DCHS1: variants seen among roughly 807,000 people sequenced by gnomAD.
DCHS1 encodes dachsous cadherin-related 1, also known as protocadherin-16.
DCHS1 carries 78 observed loss-of-function variants against 213.9 expected under a neutral mutation model. The ratio of observed to expected loss-of-function variants is 0.36; its 90% confidence interval spans 0.30 to 0.44. The LOEUF is 0.44. Ranked by LOEUF, DCHS1 falls within the 20% of genes least tolerant of loss-of-function variation. The probability of loss-of-function intolerance (pLI) is 1.00; values close to 1 mark genes in which losing one functional copy is unlikely to be tolerated. For missense variants in DCHS1, 3,946 were observed against 4,395.9 expected (o/e 0.90, Z 2.89); for synonymous variants, 1,828 against 1,873.7 (o/e 0.98, Z 0.63).
chr11:6,627,450 C>T lies in DCHS1; in HGVS notation c.5589G>A (p.Glu1863=). 1 of 1,611,096 alleles carries T rather than the reference C, an allele frequency of 6.2e-7. No individual in the cohort carries two copies. ...PAFPVPAYSV[E]VPEDVPAGTL... is the part of the protein sequence containing the mutation. ...TCCCTGCAGGCACATCCTCCGGCAC[C>T]TCCACCGAGTAGGCAGGCACAGGAA... The change falls in exon 14 of 21, where the codon GAG becomes GAA. Residue 1863 remains glutamate, a synonymous_variant. Coordinates refer to ENST00000299441, the MANE Select transcript of DCHS1 (RefSeq NM_003737.4). This position sits in a 1 kb window ranked among gnomAD's most constrained non-coding sequence, Gnocchi z 5.4.
rs775606780 is a variant in DCHS1, at chr11:6,625,872, C to T, written c.6731+48G>A. On this transcript the variant is annotated intron_variant, in intron 17 of 20. Coordinates refer to ENST00000299441, the MANE Select transcript of DCHS1 (RefSeq NM_003737.4). The surrounding 1 kb of genome is among the most constrained non-coding windows in gnomAD (Gnocchi z 5.3). ...GATGAGTTCAAGGCAGGGCTTGAAA[C>T]TGGACAGGCCCAAGATGGGGTCTTG... 1 of 1,602,126 alleles carries T rather than the reference C, an allele frequency of 6.2e-7. No individual in the cohort carries two copies. Among genetic ancestry groups the T allele is most frequent in the African/African-American group, 1.3e-5 (1 of 74,642 alleles).
Position 6,621,766 on chromosome 11 carries a change from G to T in DCHS1, c.*13C>A. The T allele has an allele frequency of 6.4e-7, 1 of 1,566,350 alleles. No homozygotes were observed. On this transcript the variant is annotated 3_prime_UTR_variant, in exon 21 of 21. Transcript: ENST00000299441. The stretch of plus-strand genomic sequence containing the variant: ...TGTGCGCATCCCAGGTCGGGGCCCA[G>T]CCTGGGCCACAGCTAGATGTGCAGC...
Position 6,624,905 on chromosome 11 carries a change from C to T in DCHS1, c.7147-37G>A, listed in dbSNP as rs777784008. The T allele has an allele frequency of 1.9e-6, 3 of 1,611,014 alleles. No individual in the cohort carries two copies. In the Admixed American group the frequency reaches 5.0e-5, roughly 27 times the overall value. On this transcript the variant is annotated intron_variant, in intron 19 of 20. Transcript: ENST00000299441. ...GGAAAAGTGCTTATTGCCAGGCTTC[C>T]CATTTGCCCTGCTGTCCATGCAGCC... is the stretch of plus-strand genomic sequence containing the variant.
rs777589243 is a variant in DCHS1 at position 6,626,510 on chromosome 11, C to A, written c.6364+42G>T. Reference sequence around the variant, plus strand: ...CTCTGATGCAAAGAACCTGCTTCCCCAGTAGCCTGTCCTGCACAGAGCCCC... The same window carrying A: ...CTCTGATGCAAAGAACCTGCTTCCCAAGTAGCCTGTCCTGCACAGAGCCCC... On this transcript the variant is annotated intron_variant, in intron 15 of 20. Coordinates refer to ENST00000299441, the MANE Select transcript of DCHS1 (RefSeq NM_003737.4). The surrounding 1 kb of genome is among the most constrained non-coding windows in gnomAD (Gnocchi z 5.2). The A allele has an allele frequency of 6.2e-7, 1 of 1,609,652 alleles. No homozygotes were observed. The highest frequency in any genetic ancestry group is 1.1e-5 in the South Asian group (1 of 90,840).
chr11:6,649,265 C>T (rs1303387961), intron 1 of DCHS1, among the ~76,000 whole-genome samples: 2 of 151,482 alleles, frequency 1.3e-5, no homozygotes, highest in East Asian at 3.9e-4. Flanking sequence ...ACACTGCTTG[C>T]CTGCTGGAGG....
At position 6,648,419 on chromosome 11, in the gene DCHS1, T is replaced by C. The variant is rs144177118; in HGVS notation, c.-120-6686A>G. Reference sequence around the variant, plus strand: ...CTGAGAATTCAAGTAAGATAAGGGCTGAGAAGTGGACACTAAATTTAGCAG... The same window carrying C: ...CTGAGAATTCAAGTAAGATAAGGGCCGAGAAGTGGACACTAAATTTAGCAG... On this transcript the variant is annotated intron_variant, in intron 1 of 20. Transcript: ENST00000299441. Among the ~76,000 whole-genome samples, 1,234 of 152,290 alleles carry C rather than the reference T, an allele frequency of 8.1e-3. 12 individuals carry two copies. The highest frequency in any genetic ancestry group is 0.028 in the African/African-American group (1,167 of 41,548).
At position 6,641,655 on chromosome 11, in the gene DCHS1, C is replaced by A; in HGVS notation, c.-42G>T. On this transcript the variant is annotated 5_prime_UTR_variant, in exon 2 of 21. Transcript: ENST00000299441. The surrounding 1 kb of genome is among the most constrained non-coding windows in gnomAD (Gnocchi z 7.1). ...CTGTGCCTTGGGCTCCAGCTCCAGG[C>A]CAGGCTCTGGGCCCAGCTTGACCTC... 6.7e-7 allele frequency: 1 copy of A among 1,499,912 alleles called. No individual in the cohort carries two copies. Among genetic ancestry groups the A allele is most frequent in the African/African-American group, 1.4e-5 (1 of 72,024 alleles). 92.9% of individuals were successfully genotyped at this position (1,499,912 alleles called of 1,614,324 possible).
chr11:6,628,890 C>T lies in DCHS1; in HGVS notation c.5162-60G>A. 1 of 1,537,332 alleles carries T rather than the reference C, an allele frequency of 6.5e-7. No homozygotes were observed. The highest frequency in any genetic ancestry group is 1.2e-5 in the South Asian group (1 of 85,020). Reference sequence around the variant, plus strand: ...CCCTCACCACATGGAGAAATCCACACCACACAGTGTTCATACATGTTCACT... The same window carrying T: ...CCCTCACCACATGGAGAAATCCACATCACACAGTGTTCATACATGTTCACT... On this transcript the variant is annotated intron_variant, in intron 12 of 20. Transcript: ENST00000299441. The surrounding 1 kb of genome is among the most constrained non-coding windows in gnomAD (Gnocchi z 4.3).
In DCHS1 at chr11:6,625,367, C is replaced by T. The variant is rs770087732; in HGVS notation, c.6977G>A (p.Arg2326His). ...SGPQDPFSVGRYGGRVSLTGP... is the reference protein window; with the variant it reads ...SGPQDPFSVGHYGGRVSLTGP... ...CGTGAGGGAGACACGGCCTCCATAG[C>T]GGCCAACACTGAAGGGATCCTGGGG... The change falls in exon 19 of 21, where the codon CGC (arginine) becomes CAC (histidine). Residue 2326 changes from arginine to histidine, a missense_variant. Arg to His is a conservative substitution (Grantham distance 29, BLOSUM62 0). Transcript: ENST00000299441. The surrounding 1 kb of genome is among the most constrained non-coding windows in gnomAD (Gnocchi z 5.3). 20 of 1,613,276 alleles carry T rather than the reference C, an allele frequency of 1.2e-5. No individual in the cohort carries two copies. The highest frequency in any genetic ancestry group is 6.7e-5 in the Admixed American group (4 of 59,926).
In DCHS1 at chr11:6,640,498, G is replaced by A; in HGVS notation, c.1116C>T (p.Ser372=). 1.2e-6 allele frequency: 2 copies of A among 1,613,166 alleles called. No individual in the cohort carries two copies. Among genetic ancestry groups the A allele is most frequent in the South Asian group, 2.2e-5 (2 of 91,084 alleles). Residue 372 remains serine, a synonymous_variant, in exon 2 of 21, where the codon TCC becomes TCT. Coordinates refer to ENST00000299441, the MANE Select transcript of DCHS1 (RefSeq NM_003737.4). This position sits in a 1 kb window ranked among gnomAD's most constrained non-coding sequence, Gnocchi z 6.5. ...MTVIFLSADG[S]PQVSEAAPPG... ...GTGGGGCGGCCTCAGACACTTGGGG[G>A]GAGCCATCTGCACTGAGAAAGATGA...
rs1469309534 is a variant in DCHS1, at chr11:6,628,187, T to C, written c.5371+434A>G. ...AATTGTTACTTGAAATCTTAGTATT[T>C]CCTTGTGCTTACACAGAAATACTGG... On this transcript the variant is annotated intron_variant, in intron 13 of 20. Transcript: ENST00000299441. The surrounding 1 kb of genome is among the most constrained non-coding windows in gnomAD (Gnocchi z 4.3). Among the ~76,000 whole-genome samples, 3 of 152,252 alleles carry C rather than the reference T, an allele frequency of 2.0e-5. No individual in the cohort carries two copies. Among genetic ancestry groups the C allele is most frequent in the Admixed American group, 6.5e-5 (1 of 15,284 alleles).
rs1856046260 is a variant in DCHS1 at position 6,640,189 on chromosome 11, C to G, written c.1425G>C (p.Gln475His). Residue 475 changes from glutamine to histidine, a missense_variant, in exon 2 of 21, where the codon CAG (glutamine) becomes CAC (histidine). By Grantham distance (24) the Gln-to-His change is conservative. Around this residue, in one of 3 missense-constraint regions of DCHS1, gnomAD observed 3,384 missense variants for 3,780.1 expected, o/e 0.90. Coordinates refer to ENST00000299441, the MANE Select transcript of DCHS1 (RefSeq NM_003737.4). This position sits in a 1 kb window ranked among gnomAD's most constrained non-coding sequence, Gnocchi z 6.5. ...VNDNAPAFDRQLYRPEPLPEV... is the reference protein window; with the variant it reads ...VNDNAPAFDRHLYRPEPLPEV... Reference sequence around the variant, plus strand: ...CAGGCAGGGGCTCAGGTCGGTAGAGCTGGCGGTCAAAGGCAGGTGCATTGT... The same window carrying G: ...CAGGCAGGGGCTCAGGTCGGTAGAGGTGGCGGTCAAAGGCAGGTGCATTGT... The G allele has an allele frequency of 1.9e-6, 3 of 1,613,618 alleles. No homozygotes were observed. Among genetic ancestry groups the G allele is most frequent in the Non-Finnish European group, 2.5e-6 (3 of 1,179,776 alleles).
intron 9 of DCHS1, 30 bp downstream of exon 9, chr11:6,631,023 G>A (rs1314764615): frequency 2.5e-6 from 4 of 1,580,890 alleles, no homozygotes; most frequent in Admixed American, 3.6e-5. Flanking sequence ...GACCTACAGC[G>A]GTAGCCAAGG....
Position 6,622,979 on chromosome 11 carries a change from C to G in DCHS1, c.8697G>C (p.Arg2899Ser). 6.4e-7 allele frequency: 1 copy of G among 1,572,482 alleles called. No individual in the cohort carries two copies. The highest frequency in any genetic ancestry group is 1.2e-5 in the South Asian group (1 of 85,826). ...RTRREAPREL[R>S]LEVIARGPLP... Reference sequence around the variant, plus strand: ...GAGGCCCCCGTGCTATCACCTCCAGCCTCAGCTCCCGTGGTGCTTCCCGCC... The same window carrying G: ...GAGGCCCCCGTGCTATCACCTCCAGGCTCAGCTCCCGTGGTGCTTCCCGCC... The change falls in exon 21 of 21, where the codon AGG becomes AGC. Residue 2899 changes from arginine (R) to serine (S), a missense_variant. Physicochemically the swap from Arg to Ser is moderately radical, Grantham distance 110. This residue lies in a region of DCHS1 where 554 missense variants were observed against 590.2 expected (regional missense o/e 0.94). Transcript: ENST00000299441. This position sits in a 1 kb window ranked among gnomAD's most constrained non-coding sequence, Gnocchi z 5.4.
At chr11:6,652,398 C>T (rs146980359) in intron 1 of DCHS1, among the ~76,000 whole-genome samples, 37 of 152,254 alleles carry the variant, frequency 2.4e-4, no homozygotes, top group Admixed American at 4.6e-4. Context: ...GTAGGAACAG[C>T]TATATGCAGA....
chr11:6,631,155 TGCAGTGA>T lies in DCHS1; in HGVS notation c.3821_3827del (p.Leu1274GlnfsTer4). The T allele has an allele frequency of 6.2e-7, 1 of 1,612,184 alleles. No homozygotes were observed. Among genetic ancestry groups the T allele is most frequent in the Non-Finnish European group, 8.5e-7 (1 of 1,178,834 alleles). ...GCCGCTCTGCTCGGATCAGGGGAGC[TGCAGTGA>T]GCAGCTCCCCTGAGTGAGGGTGCAG... On this transcript the variant is annotated frameshift_variant, in exon 9 of 21. Coordinates refer to ENST00000299441, the MANE Select transcript of DCHS1 (RefSeq NM_003737.4). LOFTEE classifies it high-confidence loss of function.
At position 6,626,849 on chromosome 11, in the gene DCHS1, G is replaced by A. The variant is rs752852456; in HGVS notation, c.6190C>T (p.Arg2064Cys). The A allele has an allele frequency of 9.3e-6, 15 of 1,613,316 alleles. No homozygotes were observed. Among genetic ancestry groups the A allele is most frequent in the Admixed American group, 3.3e-5 (2 of 60,016 alleles). ...CTAGCCCGGGGAAAGCGGGGTCCAC[G>A]CTCAGCTTCCCCCTGCAGTCCAACA... ...IIVGLQGEAE[R>C]GPRFPRASSE... Residue 2064 changes from arginine (R) to cysteine (C), a missense_variant, in exon 14 of 21, where the codon CGT (arginine) becomes TGT (cysteine). Arg to Cys is a radical substitution (Grantham distance 180). Coordinates refer to ENST00000299441, the MANE Select transcript of DCHS1 (RefSeq NM_003737.4). This position sits in a 1 kb window ranked among gnomAD's most constrained non-coding sequence, Gnocchi z 5.2.
Position 6,632,488 on chromosome 11 carries a change from G to A in DCHS1, c.3024C>T (p.Asp1008=), listed in dbSNP as rs931973854. Residue 1008 remains aspartate (D), a synonymous_variant, in exon 6 of 21, where the codon GAC becomes GAT. Transcript: ENST00000299441. This position sits in a 1 kb window ranked among gnomAD's most constrained non-coding sequence, Gnocchi z 5.9. The stretch of plus-strand genomic sequence containing the variant: ...TTCCAGCAGTGGTGCCTGAGGGCAG[G>A]TCCACACGGTAGGTAGGGCTGTTGA... ...PRFNSPTYRV[D]LPSGTTAGTQ... 2.5e-6 allele frequency: 4 copies of A among 1,579,178 alleles called. No homozygotes were observed. Among genetic ancestry groups the A allele is most frequent in the Admixed American group, 1.8e-5 (1 of 57,050 alleles).
In DCHS1 at chr11:6,628,566, G is replaced by A; in HGVS notation, c.5371+55C>T. The A allele has an allele frequency of 6.3e-7, 1 of 1,599,688 alleles. No individual in the cohort carries two copies. The highest frequency in any genetic ancestry group is 8.6e-7 in the Non-Finnish European group (1 of 1,168,476). On this transcript the variant is annotated intron_variant, in intron 13 of 20. Transcript: ENST00000299441. This position sits in a 1 kb window ranked among gnomAD's most constrained non-coding sequence, Gnocchi z 4.3. Reference sequence around the variant, plus strand: ...ACTGAGGCTGACAGCAGCCAAGAAGGAGCAAGAACCAGGCAAGTGGGTGCT... The same window carrying A: ...ACTGAGGCTGACAGCAGCCAAGAAGAAGCAAGAACCAGGCAAGTGGGTGCT...
Sources: gnomAD v4.1 joint callset for allele counts (sites outside exome capture counted in the v4.1 genomes callset) on GRCh38, gnomAD v4.1.1 for gene constraint, gnomAD v4.1.1 regional missense constraint, Gnocchi (gnomAD v3.1) non-coding constraint, MANE v1.5 for transcripts, NCBI Gene and HGNC (gene_info 2026-07-23, HGNC 2026-07-21) for gene names.